The following GPR158 variants were observed in gnomAD, a reference collection of about 807,000 sequenced individuals.
The protein encoded by GPR158 is G protein-coupled receptor 158.
A neutral mutation model predicts 78.2 loss-of-function variants in GPR158; 30 were observed. The ratio of observed to expected loss-of-function variants is 0.38; its 90% CI spans 0.29 to 0.52. GPR158 has a LOEUF of 0.52. GPR158 is among the 20% of genes least tolerant of loss of function. The probability of loss-of-function intolerance (pLI) is 0.83; values close to 1 mark genes in which losing one functional copy is unlikely to be tolerated. For missense variants in GPR158, 1,463 were observed against 1,523.5 expected, an observed-to-expected ratio of 0.96 and a Z score of 0.66; for synonymous variants, 581 against 591.1, an observed-to-expected ratio of 0.98 and a Z score of 0.25.
At position 25,572,864 on chromosome 10, in the gene GPR158, G is replaced by A. The variant is rs779045729; in HGVS notation, c.1730G>A (p.Arg577His). 2.7e-5 allele frequency: 43 copies of A among 1,603,774 alleles called. No homozygotes were observed. The highest frequency in any genetic ancestry group is 5.5e-5 in the South Asian group (5 of 90,866). The change falls in exon 7 of 11, where the codon CGC becomes CAC. Residue 577 changes from arginine to histidine, a missense_variant. Physicochemically the swap from Arg to His is conservative, Grantham distance 29. Coordinates refer to ENST00000376351, the MANE Select transcript of GPR158 (RefSeq NM_020752.3). ...ATCTTCAATATGTGCCTCATTGACC[G>A]CTGGGACTACATGACAGCAGTTGGT... ...HLIFNMCLID[R>H]WDYMTAVAEF... is the part of the protein sequence containing the mutation.
chr10:25,495,295 C>CTTTTTTTTTTTTTTTTTT (rs71399976), intron 5 of GPR158, among the ~76,000 whole-genome samples: 2 of 91,096 alleles, frequency 2.2e-5, no homozygotes, highest in African/African-American at 4.3e-5. Context: ...TTCTTTTCTG[C>CTTTTTTTTTTTTTTTTTT]TTTTTTTTTT....
At chr10:25,380,585 A>G (rs1834140910) in intron 2 of GPR158, among the ~76,000 whole-genome samples, 1 of 152,188 alleles carries the variant, frequency 6.6e-6, no homozygotes, top group East Asian at 1.9e-4. Context: ...TGTAAGTTAC[A>G]TTCATCTTCA....
At chr10:25,406,297 G>A (rs1834514576) in intron 3 of GPR158, among the ~76,000 whole-genome samples, 1 of 152,108 alleles carries the variant, frequency 6.6e-6, no homozygotes, top group Admixed American at 6.6e-5. Flanking sequence ...TCCATCTTCT[G>A]GAAAGTCAGA....
intron 4 of GPR158, among the ~76,000 whole-genome samples, chr10:25,445,317 G>T (rs1017175316): frequency 2.0e-5 from 3 of 152,124 alleles, no homozygotes; most frequent in African/African-American, 7.2e-5. Context: ...AAAAGTCTTG[G>T]AATTAAAAGG....
At chr10:25,526,190 A>C (rs1028400068) in intron 5 of GPR158, among the ~76,000 whole-genome samples, 2 of 151,868 alleles carry the variant, frequency 1.3e-5, no homozygotes, top group Admixed American at 6.6e-5. Context: ...CTTCCAGCAG[A>C]TACAACTCTG....
intron 5 of GPR158, among the ~76,000 whole-genome samples, chr10:25,532,687 A>C (rs1398484554): frequency 6.6e-6 from 1 of 151,866 alleles, no homozygotes; most frequent in African/African-American, 2.4e-5. Context: ...CCTAACCAGA[A>C]ATCCTTTTAT....
chr10:25,460,550 T>G (rs922600400), intron 4 of GPR158, among the ~76,000 whole-genome samples: 2 of 152,232 alleles, frequency 1.3e-5, no homozygotes, highest in Admixed American at 6.5e-5. Context: ...AAAATTTATT[T>G]ATTAAAGTAT....
intron 6 of GPR158, among the ~76,000 whole-genome samples, chr10:25,569,284 T>G (rs1430663713): frequency 6.6e-6 from 1 of 152,188 alleles, no homozygotes; most frequent in African/African-American, 2.4e-5. Flanking sequence ...GGAAATGGGA[T>G]TTCTTGAGTA....
chr10:25,462,671 T>C (rs1835371580), intron 4 of GPR158, among the ~76,000 whole-genome samples: 2 of 152,190 alleles, frequency 1.3e-5, no homozygotes, highest in Admixed American at 1.3e-4. Context: ...TGGATGACTT[T>C]GAGGCGTTCA....
intron 6 of GPR158, among the ~76,000 whole-genome samples, chr10:25,555,640 G>GA (rs1836778694): frequency 6.6e-6 from 1 of 151,668 alleles, no homozygotes; most frequent in Admixed American, 6.6e-5. Flanking sequence ...GAAAGGGGGT[G>GA]AAAAAAGATT....
chr10:25,370,005 G>T (rs1430828691), intron 2 of GPR158, among the ~76,000 whole-genome samples: 1 of 144,850 alleles, frequency 6.9e-6, no homozygotes, highest in Non-Finnish European at 1.6e-5. Flanking sequence ...TGTGGGATCG[G>T]TGGTGATATC....
At chr10:25,192,240 C>T (rs1852781047) in intron 1 of GPR158, among the ~76,000 whole-genome samples, 1 of 152,142 alleles carries the variant, frequency 6.6e-6, no homozygotes, top group South Asian at 2.1e-4. Context: ...CCACTGCCAC[C>T]TTATGAAGAA....
At chr10:25,406,155 T>G (rs1346481179) in intron 3 of GPR158, among the ~76,000 whole-genome samples, 1 of 152,176 alleles carries the variant, frequency 6.6e-6, no homozygotes, top group East Asian at 1.9e-4. Flanking sequence ...TTATTTTCTT[T>G]TCTGCCTCAG....
At chr10:25,297,102 AT>A (rs1278891665) in intron 2 of GPR158, among the ~76,000 whole-genome samples, 4 of 152,148 alleles carry the variant, frequency 2.6e-5, no homozygotes, top group Non-Finnish European at 5.9e-5. Flanking sequence ...CTGTATTTTA[AT>A]TAGCTCTCCA....
intron 2 of GPR158, among the ~76,000 whole-genome samples, chr10:25,314,573 G>GTT (rs1854818453): frequency 6.7e-6 from 1 of 150,284 alleles, no homozygotes; most frequent in South Asian, 2.1e-4. Flanking sequence ...TTAGATCAAT[G>GTT]TTTTTCTTTA....
chr10:25,549,843 C>G (rs973823821), intron 5 of GPR158, among the ~76,000 whole-genome samples: 1 of 152,130 alleles, frequency 6.6e-6, no homozygotes, highest in Non-Finnish European at 1.5e-5. Context: ...AGTACCTACC[C>G]CATGGCCCCC....
chr10:25,498,818 G>A (rs1835917622), intron 5 of GPR158, among the ~76,000 whole-genome samples: 1 of 152,194 alleles, frequency 6.6e-6, no homozygotes, highest in South Asian at 2.1e-4. Context: ...CCTAGAAGAT[G>A]TTGGAATGCC....
chr10:25,539,276 T>A (rs945161054), intron 5 of GPR158, among the ~76,000 whole-genome samples: 3 of 152,136 alleles, frequency 2.0e-5, no homozygotes, highest in African/African-American at 7.2e-5. Context: ...ATCTTCTGTT[T>A]AGCAAAAAGC....
At chr10:25,343,301 G>A (rs1191911499) in intron 2 of GPR158, among the ~76,000 whole-genome samples, 9 of 151,910 alleles carry the variant, frequency 5.9e-5, no homozygotes, top group Non-Finnish European at 7.4e-5. Context: ...GTAAGCAGAT[G>A]ACTAAAATCG....
Sources: gnomAD v4.1 joint callset for allele counts (sites outside exome capture counted in the v4.1 genomes callset) on GRCh38, gnomAD v4.1.1 for gene constraint, MANE v1.5 for transcripts, NCBI Gene and HGNC (gene_info 2026-07-23, HGNC 2026-07-21) for gene names.